The following PARD3 variants were observed in gnomAD, a reference collection of about 807,000 sequenced individuals.
PARD3 encodes par-3 family cell polarity regulator.
PARD3 carries 75 observed loss-of-function variants against 155.4 expected under a neutral mutation model. The ratio of observed to expected loss-of-function variants is 0.48; its 90% CI spans 0.40 to 0.58. PARD3 has a LOEUF of 0.58. Among genes scored for constraint, PARD3 ranks in the 20% least tolerant of loss-of-function variants. PARD3 has a pLI of 0.00. For synonymous variants in PARD3, 576 were observed against 610.5 expected (o/e 0.94, Z 0.83); for missense variants, 1,642 against 1,721.7 (o/e 0.95, Z 0.82).
chr10:34,599,143 T>TC (rs973928224), intron 2 of PARD3, among the ~76,000 whole-genome samples: 1 of 152,106 alleles, frequency 6.6e-6, no homozygotes, highest in African/African-American at 2.4e-5. Flanking sequence ...AGCAACCGCA[T>TC]CCCCACTTCC....
Position 34,111,443 on chromosome 10 carries a change from CT to C in PARD3, c.3787del (p.Arg1263GlyfsTer33). On this transcript the variant is annotated frameshift_variant, in exon 25 of 25. Coordinates refer to ENST00000374788, the MANE Select transcript of PARD3 (RefSeq NM_001184785.2). LOFTEE classifies it high-confidence loss of function. ...NPRYSSYQGSRNGYLGGHGFN... is the reference protein window; with the variant it reads ...NPRYSSYQGSXNGYLGGHGFN... ...GCCATGTCCTCCCAGGTAGCCGTTC[CT>C]GGAGCCTTGGTAGCTGGAGTACCTG... 1 of 1,614,170 alleles carries C rather than the reference CT, an allele frequency of 6.2e-7. No homozygotes were observed. The highest frequency in any genetic ancestry group is 1.7e-5 in the Admixed American group (1 of 60,026).
intron 1 of PARD3, among the ~76,000 whole-genome samples, chr10:34,745,408 AAG>A (rs759197528): frequency 6.6e-5 from 10 of 150,814 alleles, no homozygotes; most frequent in Non-Finnish European, 1.5e-4. Flanking sequence ...AAAGGAAGGA[AAG>A]AGAGGGAGGA....
At chr10:34,391,318 GAGGA>G (rs1842852461) in intron 7 of PARD3, among the ~76,000 whole-genome samples, 1 of 152,030 alleles carries the variant, frequency 6.6e-6, no homozygotes. Context: ...ACAGAGAAAG[GAGGA>G]AAAAAGCTAG....
chr10:34,767,554 T>C (rs1838254642), intron 1 of PARD3, among the ~76,000 whole-genome samples: 1 of 151,906 alleles, frequency 6.6e-6, no homozygotes, highest in African/African-American at 2.4e-5. Flanking sequence ...TTTGGTATGC[T>C]GGTGGGACTA....
At chr10:34,730,734 CTA>C (rs944844876) in intron 1 of PARD3, among the ~76,000 whole-genome samples, 1 of 152,162 alleles carries the variant, frequency 6.6e-6, no homozygotes, top group African/African-American at 2.4e-5. Flanking sequence ...CTGCAGTGAG[CTA>C]TGACTGCAAC....
chr10:34,316,560 G>A (rs1958016583), intron 20 of PARD3, among the ~76,000 whole-genome samples: 1 of 152,068 alleles, frequency 6.6e-6, no homozygotes, highest in Non-Finnish European at 1.5e-5. Context: ...TGTTATTAAT[G>A]AACCTTTAAA....
At chr10:34,284,985 A>T (rs1956318549) in intron 20 of PARD3, among the ~76,000 whole-genome samples, 1 of 152,184 alleles carries the variant, frequency 6.6e-6, no homozygotes, top group South Asian at 2.1e-4. Context: ...CACTAACATT[A>T]TTCTCTTCTG....
intron 2 of PARD3, among the ~76,000 whole-genome samples, chr10:34,657,329 G>T (rs886631017): frequency 2.0e-5 from 3 of 152,128 alleles, no homozygotes; most frequent in Admixed American, 6.5e-5. Flanking sequence ...GAGAAAGGTA[G>T]GAACTGAGAC....
chr10:34,136,179 G>A (rs1396093955), intron 22 of PARD3, among the ~76,000 whole-genome samples: 1 of 152,170 alleles, frequency 6.6e-6, no homozygotes, highest in African/African-American at 2.4e-5. Flanking sequence ...GGCTGGTGGT[G>A]CTCTAGTAAC....
At chr10:34,434,069 C>T (rs976746579) in intron 5 of PARD3, among the ~76,000 whole-genome samples, 2 of 152,044 alleles carry the variant, frequency 1.3e-5, no homozygotes, top group East Asian at 3.9e-4. Flanking sequence ...TCGGGTATGG[C>T]TAAGAATAAT....
intron 7 of PARD3, among the ~76,000 whole-genome samples, chr10:34,387,454 C>T (rs1400542702): frequency 6.6e-6 from 1 of 152,014 alleles, no homozygotes; most frequent in East Asian, 1.9e-4. Flanking sequence ...GCTCTGTCAC[C>T]CAGGCTGGAG....
At chr10:34,651,334 T>C (rs2093008964) in intron 2 of PARD3, among the ~76,000 whole-genome samples, 1 of 152,226 alleles carries the variant, frequency 6.6e-6, no homozygotes, top group African/African-American at 2.4e-5. Context: ...CACAACCCTT[T>C]GATACTCCCC....
At chr10:34,646,082 C>T (rs2092828895) in intron 2 of PARD3, among the ~76,000 whole-genome samples, 1 of 152,170 alleles carries the variant, frequency 6.6e-6, no homozygotes, top group Non-Finnish European at 1.5e-5. Context: ...CTTCACAAAA[C>T]AGGCAAGTTA....
At chr10:34,462,856 C>A (rs886268464) in intron 4 of PARD3, among the ~76,000 whole-genome samples, 1 of 132,504 alleles carries the variant, frequency 7.5e-6, no homozygotes, top group Non-Finnish European at 1.6e-5. Flanking sequence ...AAAAGGAAAA[C>A]GGAAAGGGAA....
At position 34,269,644 on chromosome 10, in the gene PARD3, C is replaced by G. The variant is rs1955516274; in HGVS notation, c.3419+13G>C. On this transcript the variant is annotated intron_variant, in intron 22 of 24. Coordinates refer to ENST00000374788, the MANE Select transcript of PARD3 (RefSeq NM_001184785.2). Reference sequence around the variant, plus strand: ...GATTTGGAAGCAATACCACGATTGCCCCTGGCGCCTACCTGTCTACAGGTG... The same window carrying G: ...GATTTGGAAGCAATACCACGATTGCGCCTGGCGCCTACCTGTCTACAGGTG... 6.2e-7 allele frequency: 1 copy of G among 1,611,972 alleles called. No individual in the cohort carries two copies. Among genetic ancestry groups the G allele is most frequent in the Admixed American group, 1.7e-5 (1 of 59,910 alleles).
chr10:34,354,510 A>G (rs778954552), intron 14 of PARD3, among the ~76,000 whole-genome samples: 1 of 152,228 alleles, frequency 6.6e-6, no homozygotes, highest in Non-Finnish European at 1.5e-5. Flanking sequence ...TGGCAGTCTC[A>G]GAATCCACAT....
intron 9 of PARD3, 101 bp from the exon 10 acceptor site, chr10:34,378,207 C>T (rs1841449873): frequency 2.4e-6 from 2 of 839,068 alleles, no homozygotes; most frequent in Non-Finnish European, 3.7e-6. Flanking sequence ...CATTTTGTAA[C>T]TTTCACAATG....
intron 4 of PARD3, 46 bp from the exon 5 acceptor site, chr10:34,450,494 T>C (rs749098122): frequency 1.3e-6 from 2 of 1,568,370 alleles, no homozygotes; most frequent in Admixed American, 3.8e-5. Context: ...AACCAGACCT[T>C]GCAAATCAGT....
intron 2 of PARD3, among the ~76,000 whole-genome samples, chr10:34,542,354 G>A (rs1470863157): frequency 1.3e-5 from 2 of 152,106 alleles, no homozygotes; most frequent in Non-Finnish European, 2.9e-5. Flanking sequence ...CACTGGCAGT[G>A]TGTGAGACAT....
Sources: allele counts gnomAD v4.1 joint callset (sites outside exome capture counted in the v4.1 genomes callset), GRCh38; gene constraint gnomAD v4.1.1; transcripts MANE v1.5; gene names NCBI Gene and HGNC (gene_info 2026-07-23, HGNC 2026-07-21).